The following CIT variants were observed in gnomAD, a reference collection of about 807,000 sequenced individuals.
The protein encoded by CIT is citron Rho-interacting kinase.
A neutral mutation model predicts 272.7 loss-of-function variants in CIT; 79 were observed. The observed-to-expected ratio is 0.29, with a 90% confidence interval of 0.24 to 0.35. CIT has a LOEUF of 0.35. Ranked by LOEUF, CIT falls within the 10% of genes least tolerant of loss-of-function variation. The pLI is 1.00. For synonymous variants in CIT, 948 were observed against 995.6 expected (o/e 0.95, Z 0.90); for missense variants, 1,909 against 2,618.3 (o/e 0.73, Z 5.91).
chr12:119,688,981 C>T (rs953298557), intron 47 of CIT, among the ~76,000 whole-genome samples: 4 of 124,956 alleles, frequency 3.2e-5, no homozygotes, highest in African/African-American at 6.4e-5. Context: ...GGCAACATAG[C>T]GACATTATGT....
chr12:119,742,944 T>C (rs1959132049), intron 23 of CIT: 2 of 152,248 alleles, frequency 1.3e-5, no homozygotes, highest in South Asian at 4.1e-4. Flanking sequence ...AAAGGGACTT[T>C]GTGTGTGTGT....
chr12:119,863,100 G>A (rs1319760480), intron 3 of CIT, among the ~76,000 whole-genome samples: 1 of 148,408 alleles, frequency 6.7e-6, no homozygotes, highest in African/African-American at 2.5e-5. Flanking sequence ...TACTCAGGAG[G>A]CTAAGGCAAG....
intron 4 of CIT, among the ~76,000 whole-genome samples, chr12:119,853,275 G>C (rs1348671771): frequency 6.7e-6 from 1 of 148,562 alleles, no homozygotes; most frequent in Non-Finnish European, 1.5e-5. Flanking sequence ...AGTGAGCAGA[G>C]ATTGTGCCAC....
chr12:119,765,265 T>G (rs1946255543), intron 19 of CIT, among the ~76,000 whole-genome samples: 1 of 150,612 alleles, frequency 6.6e-6, no homozygotes, highest in South Asian at 2.1e-4. Flanking sequence ...TAGCCAGGTA[T>G]GGTGTCATGT....
chr12:119,753,288 C>A (rs1190433247), intron 22 of CIT, among the ~76,000 whole-genome samples: 7 of 152,122 alleles, frequency 4.6e-5, no homozygotes, highest in Non-Finnish European at 1.0e-4. Flanking sequence ...TTCAGAGGGT[C>A]GGAGAAGGCT....
Position 119,760,987 on chromosome 12 carries a change from G to C in CIT, c.2373C>G (p.His791Gln). The change falls in exon 20 of 48, where the codon CAC (histidine) becomes CAG (glutamine). Residue 791 changes from histidine (H) to glutamine (Q), a missense_variant. His to Gln is a conservative substitution (Grantham distance 24). Coordinates refer to ENST00000392521, the MANE Select transcript of CIT (RefSeq NM_001206999.2). Reference protein sequence around the residue: ...KETLENMMQRHEEEAHEKGKI... With the variant: ...KETLENMMQRQEEEAHEKGKI... ...TGCCCTTCTCATGGGCCTCCTCCTC[G>C]TGTCTCTGCATCATGTTCTCCAGTG... The C allele has an allele frequency of 1.9e-6, 3 of 1,614,094 alleles. No individual in the cohort carries two copies. Among genetic ancestry groups the C allele is most frequent in the Non-Finnish European group, 2.5e-6 (3 of 1,180,014 alleles).
At position 119,784,154 on chromosome 12, in the gene CIT, C is replaced by A. The variant is rs1964549886; in HGVS notation, c.1402-103G>T. ...AACCACCTGGTGGTCTGGGCTAAGG[C>A]TAATTCGCCAAAAGTTAAGTTGGGA... On this transcript the variant is annotated intron_variant, in intron 11 of 47. Coordinates refer to ENST00000392521, the MANE Select transcript of CIT (RefSeq NM_001206999.2). This position sits in a 1 kb window ranked among gnomAD's most constrained non-coding sequence, Gnocchi z 4.7. 3.1e-6 allele frequency: 5 copies of A among 1,611,476 alleles called. No homozygotes were observed. Among genetic ancestry groups the A allele is most frequent in the Non-Finnish European group, 4.2e-6 (5 of 1,178,640 alleles).
intron 3 of CIT, among the ~76,000 whole-genome samples, chr12:119,858,258 T>A (rs944393255): frequency 6.6e-6 from 1 of 152,202 alleles, no homozygotes; most frequent in African/African-American, 2.4e-5. Context: ...GGCTGACGCC[T>A]GTAATCCCAA....
chr12:119,770,566 CA>C lies in CIT; in HGVS notation c.2208+218del, dbSNP rs369466186. ...AAAAGCCAGGCTGTAGCAAACAGAGCAAAAAACGATATTTACGGATCTGTTA... is the reference window on the plus strand; with the variant it reads ...AAAAGCCAGGCTGTAGCAAACAGAGCAAAAACGATATTTACGGATCTGTTA... On this transcript the variant is annotated intron_variant, in intron 18 of 47. Coordinates refer to ENST00000392521, the MANE Select transcript of CIT (RefSeq NM_001206999.2). This position sits in a 1 kb window ranked among gnomAD's most constrained non-coding sequence, Gnocchi z 4.4. Among the ~76,000 whole-genome samples the C allele has an allele frequency of 2.2e-3, 324 of 149,562 alleles. 2 individuals are homozygous for C. Among genetic ancestry groups the C allele is most frequent in the African/African-American group, 7.5e-3 (305 of 40,734 alleles).
Position 119,784,997 on chromosome 12 carries a change from CT to C in CIT, c.1363del (p.Ser455AlafsTer18). On this transcript the variant is annotated frameshift_variant, in exon 11 of 48. Transcript: ENST00000392521. LOFTEE classifies it high-confidence loss of function. This position sits in a 1 kb window ranked among gnomAD's most constrained non-coding sequence, Gnocchi z 4.7. ...GTCCTGAGAGTCTTGTAGCTCTTTGCTTTTGATGAGAAGTTTCTTTTCCATG... is the reference window on the plus strand; with the variant it reads ...GTCCTGAGAGTCTTGTAGCTCTTTGCTTTGATGAGAAGTTTCTTTTCCATG... ...SSMEKKLLIK[S>X]KELQDSQDKC... is the part of the protein sequence containing the mutation. The C allele has an allele frequency of 6.2e-7, 1 of 1,614,156 alleles. No individual in the cohort carries two copies. Among genetic ancestry groups the C allele is most frequent in the Non-Finnish European group, 8.5e-7 (1 of 1,180,034 alleles).
At chr12:119,780,501 C>T (rs1964189821) in intron 13 of CIT, among the ~76,000 whole-genome samples, 1 of 152,044 alleles carries the variant, frequency 6.6e-6, no homozygotes, top group South Asian at 2.1e-4. Context: ...CCTGTAGTCC[C>T]AGCTACTCAG....
chr12:119,795,265 T>TA (rs1244989210), intron 10 of CIT, among the ~76,000 whole-genome samples: 1 of 152,116 alleles, frequency 6.6e-6, no homozygotes, highest in African/African-American at 2.4e-5. Context: ...CAGGCACCTG[T>TA]AATCCCAGCT....
At chr12:119,827,018 CCT>C (rs924226814) in intron 7 of CIT, among the ~76,000 whole-genome samples, 1 of 152,164 alleles carries the variant, frequency 6.6e-6, no homozygotes, top group Admixed American at 6.5e-5. Context: ...TCTTCCCTCT[CCT>C]CTCTTTTTAC....
intron 10 of CIT, 56 bp from the exon 11 acceptor site, chr12:119,785,121 A>AT: frequency 6.4e-7 from 1 of 1,555,490 alleles, no homozygotes; most frequent in Non-Finnish European, 8.7e-7. Context: ...AAGAAGCTGC[A>AT]TTAGGAAGCT....
intron 25 of CIT, 28 bp downstream of exon 25, chr12:119,735,132 A>AC: frequency 6.2e-7 from 1 of 1,609,232 alleles, no homozygotes; most frequent in Non-Finnish European, 8.5e-7. Flanking sequence ...TCCTCCAGGG[A>AC]TCTCACGACC....
intron 29 of CIT, 42 bp from the exon 30 acceptor site, chr12:119,720,627 A>G (rs765886907): frequency 2.9e-5 from 41 of 1,417,686 alleles, no homozygotes; most frequent in Admixed American, 6.5e-5. Context: ...TCCAGACAGA[A>G]GTATACTTTT....
rs1451095659 is a variant in CIT at position 119,772,929 on chromosome 12, A to T, written c.1942-19T>A. 6.2e-7 allele frequency: 1 copy of T among 1,607,604 alleles called. No homozygotes were observed. Among genetic ancestry groups the T allele is most frequent in the Admixed American group, 1.7e-5 (1 of 58,728 alleles). On this transcript the variant is annotated intron_variant, in intron 16 of 47. Coordinates refer to ENST00000392521, the MANE Select transcript of CIT (RefSeq NM_001206999.2). Reference sequence around the variant, plus strand: ...TTACAGCCTAGGAAGAGAGAAGGAAAAGGAGATAGGTGGGCAAATTTATTC... The same window carrying T: ...TTACAGCCTAGGAAGAGAGAAGGAATAGGAGATAGGTGGGCAAATTTATTC...
chr12:119,776,727 A>G lies in CIT; in HGVS notation c.1781T>C (p.Leu594Pro), dbSNP rs1442201508. The G allele has an allele frequency of 6.2e-7, 1 of 1,614,106 alleles. No homozygotes were observed. The highest frequency in any genetic ancestry group is 1.1e-5 in the South Asian group (1 of 91,078). Residue 594 changes from leucine (L) to proline (P), a missense_variant, in exon 14 of 48, where the codon CTT becomes CCT. Physicochemically the swap from Leu to Pro is moderately conservative, Grantham distance 98. Transcript: ENST00000392521. ...LYESELRESR[L>P]AAEEFKRKAT... ...TTTCCGCTTGAATTCTTCAGCAGCA[A>G]GCCGAGACTCTCTCAGCTCAGATTC... is the stretch of plus-strand genomic sequence containing the variant.
rs56193743 is a variant in CIT, at chr12:119,876,143, C to T, written c.26G>A (p.Arg9Gln). The T allele has an allele frequency of 5.8e-3, 9,386 of 1,613,638 alleles. 39 individuals are homozygous for T. Among genetic ancestry groups the T allele is most frequent in the Non-Finnish European group, 6.8e-3 (8,037 of 1,179,744 alleles). Reference protein sequence around the residue: MLKFKYGARNPLDAGAAEP... With the variant: MLKFKYGAQNPLDAGAAEP... ...AGCAGCACCAGCATCCAAAGGATTC[C>T]GCGCTCCATATTTGAACTTCAACAT... Residue 9 changes from arginine (R) to glutamine (Q), a missense_variant, in exon 2 of 48, where the codon CGG (arginine) becomes CAG (glutamine). By Grantham distance (43) the Arg-to-Gln change is conservative (BLOSUM62 1). This residue lies in a region of CIT where 529 missense variants were observed against 549.6 expected (regional missense o/e 0.96). Coordinates refer to ENST00000392521, the MANE Select transcript of CIT (RefSeq NM_001206999.2).
Sources: gnomAD v4.1 joint callset for allele counts (sites outside exome capture counted in the v4.1 genomes callset) on GRCh38, gnomAD v4.1.1 for gene constraint, gnomAD v4.1.1 regional missense constraint, Gnocchi (gnomAD v3.1) non-coding constraint, MANE v1.5 for transcripts, NCBI Gene and HGNC (gene_info 2026-07-23, HGNC 2026-07-21) for gene names.